ROBO1: variants seen among roughly 807,000 people sequenced by gnomAD.
ROBO1 encodes roundabout guidance receptor 1.
Under a neutral mutation model 195.9 loss-of-function variants are expected in ROBO1, and 149 were observed. The ratio of observed to expected loss-of-function variants is 0.76; its 90% CI spans 0.67 to 0.87. ROBO1 has a LOEUF of 0.87. ROBO1 is among the 40% of genes least tolerant of loss of function. The probability of loss-of-function intolerance (pLI) is 0.00; values close to 1 mark genes in which losing one functional copy is unlikely to be tolerated. For synonymous variants in ROBO1, 816 were observed against 733.2 expected (o/e 1.11, Z -1.82); for missense variants, 1,933 against 2,068.3 (o/e 0.93, Z 1.27).
intron 3 of ROBO1, among the ~76,000 whole-genome samples, chr3:79,040,068 C>T (rs900483940): frequency 2.6e-5 from 4 of 152,094 alleles, no homozygotes; most frequent in African/African-American, 9.7e-5. Flanking sequence ...TAACAAGTTA[C>T]AACCAATCAG....
At chr3:79,214,235 A>T (rs1461706883) in intron 2 of ROBO1, among the ~76,000 whole-genome samples, 1 of 152,170 alleles carries the variant, frequency 6.6e-6, no homozygotes, top group Admixed American at 6.5e-5. Context: ...ACAGTAATAA[A>T]CAATAAACTA....
At chr3:78,643,413 C>G (rs1026041521) in intron 21 of ROBO1, among the ~76,000 whole-genome samples, 1 of 152,098 alleles carries the variant, frequency 6.6e-6, no homozygotes. Flanking sequence ...TGAGGTAATT[C>G]CACATTAGAG....
chr3:78,839,284 A>T, intron 4 of ROBO1, among the ~76,000 whole-genome samples: 1 of 152,228 alleles, frequency 6.6e-6, no homozygotes, highest in South Asian at 2.1e-4. Context: ...CATTACATAT[A>T]ATGATGTATC....
At chr3:79,069,917 T>C (rs2079059100) in intron 3 of ROBO1, among the ~76,000 whole-genome samples, 2 of 151,914 alleles carry the variant, frequency 1.3e-5, no homozygotes, top group Admixed American at 1.3e-4. Flanking sequence ...ATTCATTATG[T>C]TTTTTCTTTC....
At chr3:79,344,848 G>C (rs1333367714) in intron 2 of ROBO1, among the ~76,000 whole-genome samples, 1 of 152,034 alleles carries the variant, frequency 6.6e-6, no homozygotes, top group Non-Finnish European at 1.5e-5. Flanking sequence ...CGCCCATGCT[G>C]GTCTCATAAT....
At chr3:79,508,406 G>A (rs1037558251) in intron 2 of ROBO1, among the ~76,000 whole-genome samples, 10 of 152,128 alleles carry the variant, frequency 6.6e-5, no homozygotes, top group Non-Finnish European at 1.3e-4. Flanking sequence ...CAAACTTCTA[G>A]CCTCGAAAAT....
intron 3 of ROBO1, among the ~76,000 whole-genome samples, chr3:78,980,118 A>G (rs1259176457): frequency 3.9e-5 from 6 of 152,164 alleles, no homozygotes; most frequent in African/African-American, 1.4e-4. Context: ...CATATATTCA[A>G]TTAAATTAAT....
At chr3:78,973,096 A>G (rs2076805165) in intron 3 of ROBO1, among the ~76,000 whole-genome samples, 1 of 152,184 alleles carries the variant, frequency 6.6e-6, no homozygotes, top group South Asian at 2.1e-4. Flanking sequence ...CTATGGCTTG[A>G]GCAAATGAGT....
intron 1 of ROBO1, among the ~76,000 whole-genome samples, chr3:79,760,965 C>T (rs1268910918): frequency 6.6e-6 from 1 of 150,760 alleles, no homozygotes; most frequent in African/African-American, 2.4e-5. Flanking sequence ...CAAAAAATTG[C>T]TACAGTCTGT....
intron 26 of ROBO1, among the ~76,000 whole-genome samples, chr3:78,620,581 T>C (rs956825381): frequency 1.3e-4 from 20 of 152,332 alleles, no homozygotes; most frequent in Middle Eastern, 6.8e-3. Flanking sequence ...ATCTGTTCAA[T>C]AGAAATGGAA....
chr3:79,582,621 G>C (rs1232586986), intron 2 of ROBO1, among the ~76,000 whole-genome samples: 1 of 151,884 alleles, frequency 6.6e-6, no homozygotes, highest in Non-Finnish European at 1.5e-5. Flanking sequence ...TTTTCTACTT[G>C]AATCACTCTT....
chr3:78,617,757 C>G lies in ROBO1; in HGVS notation c.4160G>C (p.Arg1387Pro), dbSNP rs778810093. 5 of 1,613,808 alleles carry G rather than the reference C, an allele frequency of 3.1e-6. No individual in the cohort carries two copies. The highest frequency in any genetic ancestry group is 1.7e-5 in the Admixed American group (1 of 59,988). Residue 1387 changes from arginine to proline, a missense_variant, in exon 27 of 31, where the codon CGC becomes CCC. Physicochemically the swap from Arg to Pro is moderately radical, Grantham distance 103. Around this residue, in one of 3 missense-constraint regions of ROBO1, gnomAD observed 1,737 missense variants for 1,882.5 expected, o/e 0.92. Transcript: ENST00000464233. ...ASEEDNISSGRSSVSSSDGSF... is the reference protein window; with the variant it reads ...ASEEDNISSGPSSVSSSDGSF... The stretch of plus-strand genomic sequence containing the variant: ...GCCGTCCGAAGAACTAACACTGGAG[C>G]GTCCGCTGGAAATGTTGTCCTCCTC...
At chr3:79,465,520 T>C (rs957455190) in intron 2 of ROBO1, among the ~76,000 whole-genome samples, 2 of 152,212 alleles carry the variant, frequency 1.3e-5, no homozygotes, top group Non-Finnish European at 2.9e-5. Flanking sequence ...AAATTGAATA[T>C]TTACTTCATT....
At chr3:79,069,919 TTTTC>T (rs1379810069) in intron 3 of ROBO1, among the ~76,000 whole-genome samples, 4 of 151,924 alleles carry the variant, frequency 2.6e-5, no homozygotes, top group Non-Finnish European at 2.9e-5. Flanking sequence ...TCATTATGTT[TTTTC>T]TTTCTTTTTT....
chr3:79,161,472 A>T (rs974636515), intron 2 of ROBO1, among the ~76,000 whole-genome samples: 1 of 152,156 alleles, frequency 6.6e-6, no homozygotes, highest in Non-Finnish European at 1.5e-5. Context: ...ACTTGAGTAG[A>T]GGATAAGTTT....
intron 4 of ROBO1, among the ~76,000 whole-genome samples, chr3:78,896,079 A>G (rs986777944): frequency 1.3e-5 from 2 of 152,198 alleles, no homozygotes; most frequent in Admixed American, 6.5e-5. Context: ...GCTTTTGGTC[A>G]ATTATGTTCT....
chr3:79,663,400 C>T (rs1319616575), intron 1 of ROBO1, among the ~76,000 whole-genome samples: 2 of 152,016 alleles, frequency 1.3e-5, no homozygotes, highest in African/African-American at 4.8e-5. Flanking sequence ...ACCAGATTTC[C>T]AATTTTTGAC....
chr3:78,785,147 C>T (rs995080768), intron 4 of ROBO1, among the ~76,000 whole-genome samples: 1 of 152,136 alleles, frequency 6.6e-6, no homozygotes, highest in Admixed American at 6.6e-5. Flanking sequence ...TCAACTGCAA[C>T]GATATAAAGT....
chr3:78,851,415 A>G (rs2034056784), intron 4 of ROBO1, among the ~76,000 whole-genome samples: 1 of 152,222 alleles, frequency 6.6e-6, no homozygotes, highest in Non-Finnish European at 1.5e-5. Context: ...GATTAGAGTT[A>G]CCAGTCCTTA....
Sources: allele counts gnomAD v4.1 joint callset (sites outside exome capture counted in the v4.1 genomes callset), GRCh38; gene constraint gnomAD v4.1.1; regional missense constraint gnomAD v4.1.1; transcripts MANE v1.5; gene names NCBI Gene and HGNC (gene_info 2026-07-23, HGNC 2026-07-21).